MAN2B2: variants seen among roughly 807,000 people sequenced by gnomAD.
MAN2B2 encodes mannosidase alpha class 2B member 2.
Under a neutral mutation model 117.1 loss-of-function variants are expected in MAN2B2, and 106 were observed. The ratio of observed to expected loss-of-function variants is 0.90; its 90% confidence interval spans 0.77 to 1.06. The LOEUF (loss-of-function observed/expected upper bound fraction) is 1.06. Among genes scored for constraint, MAN2B2 ranks in the 50% least tolerant of loss-of-function variants. The pLI, the probability that MAN2B2 is intolerant of heterozygous loss-of-function variation, is 0.00. For synonymous variants in MAN2B2, 544 were observed against 595.1 expected, an observed-to-expected ratio of 0.91 and a Z score of 1.25; for missense variants, 1,326 against 1,381.4, an observed-to-expected ratio of 0.96 and a Z score of 0.64.
intron 3 of MAN2B2, among the ~76,000 whole-genome samples, chr4:6,581,044 G>A (rs976929723): frequency 7.9e-5 from 12 of 152,172 alleles, no homozygotes; most frequent in Non-Finnish European, 1.3e-4. Flanking sequence ...TTTCTTTCAT[G>A]ATAACCACCT....
In MAN2B2 at chr4:6,594,565, T is replaced by A; in HGVS notation, c.890T>A (p.Val297Glu). ...GCDKQFFNAS[V>E]QFANMDPLLD... ...GACAAGCAGTTCTTCAATGCCTCGG[T>A]GCAGTTTGCCAACATGGACCCGCTG... Residue 297 changes from valine (V) to glutamate (E), a missense_variant, in exon 7 of 19, where the codon GTG becomes GAG. Physicochemically the swap from Val to Glu is moderately radical, Grantham distance 121 (BLOSUM62 -2). Transcript: ENST00000285599. The A allele has an allele frequency of 6.2e-7, 1 of 1,613,626 alleles. No homozygotes were observed. Among genetic ancestry groups the A allele is most frequent in the African/African-American group, 1.3e-5 (1 of 75,062 alleles).
At chr4:6,579,009 C>G (rs571226800) in intron 3 of MAN2B2, among the ~76,000 whole-genome samples, 18 of 131,408 alleles carry the variant, frequency 1.4e-4, no homozygotes, top group Non-Finnish European at 2.4e-4. Flanking sequence ...ACCATCACCA[C>G]CACCACCACC....
intron 9 of MAN2B2, among the ~76,000 whole-genome samples, chr4:6,599,419 T>G (rs562648182): frequency 6.6e-6 from 1 of 151,904 alleles, no homozygotes; most frequent in South Asian, 2.1e-4. Flanking sequence ...TCCCAGCACT[T>G]TGGGAGGCCG....
intron 10 of MAN2B2, among the ~76,000 whole-genome samples, chr4:6,604,780 TG>T (rs1302532578): frequency 6.6e-6 from 1 of 151,936 alleles, no homozygotes; most frequent in African/African-American, 2.4e-5. Flanking sequence ...TTAAAGGAGC[TG>T]GGGGTGTTCA....
At chr4:6,579,343 T>TCACCACCAC (rs1560635139) in intron 3 of MAN2B2, among the ~76,000 whole-genome samples, 1 of 28,474 alleles carries the variant, frequency 3.5e-5, no homozygotes, top group African/African-American at 1.4e-4. Context: ...ACCACCACCA[T>TCACCACCAC]CACCATCACC....
intron 11 of MAN2B2, among the ~76,000 whole-genome samples, chr4:6,607,587 A>G (rs1727602699): frequency 6.6e-6 from 1 of 152,232 alleles, no homozygotes; most frequent in South Asian, 2.1e-4. Context: ...GCAGAATACT[A>G]TTCCATCGCA....
chr4:6,599,985 A>C (rs1727261408), intron 9 of MAN2B2, among the ~76,000 whole-genome samples: 1 of 152,228 alleles, frequency 6.6e-6, no homozygotes. Flanking sequence ...CAAGCTGTGA[A>C]TAGGTAGAGA....
At chr4:6,614,960 G>A (rs555401546) in intron 16 of MAN2B2, among the ~76,000 whole-genome samples, 7 of 152,346 alleles carry the variant, frequency 4.6e-5, no homozygotes, top group African/African-American at 7.2e-5. Flanking sequence ...GACACCTGCT[G>A]GGAACTGACT....
intron 3 of MAN2B2, among the ~76,000 whole-genome samples, chr4:6,579,150 CCA>C (rs1726243054): frequency 1.2e-5 from 1 of 83,796 alleles, no homozygotes. Flanking sequence ...ATCACCACCA[CCA>C]TCACCATCAC....
chr4:6,603,996 G>T (rs562539333), intron 10 of MAN2B2, among the ~76,000 whole-genome samples: 1 of 152,360 alleles, frequency 6.6e-6, no homozygotes, highest in East Asian at 1.9e-4. Context: ...CACCTTGGAG[G>T]TGAGCAGAGG....
chr4:6,593,841 TG>T lies in MAN2B2; in HGVS notation c.858+494del, dbSNP rs554443305. 1.9e-3 allele frequency among the ~76,000 whole-genome samples: 295 copies of T among 152,332 alleles called. 1 individual carries two copies. The highest frequency in any genetic ancestry group is 5.2e-3 in the Admixed American group (79 of 15,296). ...GTCTCAGCCATCTAATTTGCACCAC[TG>T]GGCCTAGGAAGCAGGCTGGTATCCA... On this transcript the variant is annotated intron_variant, in intron 6 of 18. Transcript: ENST00000285599.
rs144650979 is a variant in MAN2B2 at position 6,605,319 on chromosome 4, A to G, written c.1804A>G (p.Ile602Val). 14,849 of 1,608,548 alleles carry G rather than the reference A, an allele frequency of 9.2e-3. 85 individuals carry two copies. Among genetic ancestry groups the G allele is most frequent in the Non-Finnish European group, 0.011 (13,225 of 1,175,594 alleles). ...CCAGGATACCAACCTGATGCACAGC[A>G]TCTGGGAGAGGTAAGGTGCAGCCAT... is the stretch of plus-strand genomic sequence containing the variant. ...LDQDTNLMHS[I>V]WERQSNRTVR... Residue 602 changes from isoleucine to valine, a missense_variant, in exon 11 of 19, where the codon ATC (isoleucine) becomes GTC (valine). Ile to Val is a conservative substitution (Grantham distance 29). Transcript: ENST00000285599.
At chr4:6,594,370 T>C (rs1029421423) in intron 6 of MAN2B2, among the ~76,000 whole-genome samples, 164 bp from the exon 7 acceptor site, 21 of 152,128 alleles carry the variant, frequency 1.4e-4, no homozygotes, top group African/African-American at 4.8e-4. Flanking sequence ...AGGCGGAGGT[T>C]GCATGAGCCG....
At chr4:6,596,611 C>T (rs1261521431) in intron 7 of MAN2B2, among the ~76,000 whole-genome samples, 1 of 152,078 alleles carries the variant, frequency 6.6e-6, no homozygotes, top group African/African-American at 2.4e-5. Context: ...TGCCTCCTAC[C>T]ATCCATCCTC....
rs1306880851 is a variant in MAN2B2 at position 6,621,778 on chromosome 4, T to C, written c.*493T>C. The C allele has an allele frequency of 6.5e-6, 1 of 152,718 alleles. No individual in the cohort carries two copies. The highest frequency in any genetic ancestry group is 1.5e-5 in the Non-Finnish European group (1 of 68,452). The allele number at this position is 152,718 out of a possible 1,614,324, so 9.5% of individuals were successfully genotyped here. A position where few individuals can be genotyped will look rare whatever the true frequency, so the allele number is the denominator to read the frequency against. On this transcript the variant is annotated 3_prime_UTR_variant, in exon 19 of 19. Transcript: ENST00000285599. ...CTCTGCCACAGGGCAGGAGAGGAAG[T>C]TGTAGCGCCTAGCGAGAGTTCCAGC...
intron 12 of MAN2B2, 88 bp from the exon 13 acceptor site, chr4:6,609,710 A>AG: frequency 1.7e-6 from 1 of 602,134 alleles, no homozygotes; most frequent in Non-Finnish European, 3.0e-6. Flanking sequence ...TGCCCTGCCC[A>AG]CCCTGCCCAC....
chr4:6,601,638 C>T (rs1727335589), intron 10 of MAN2B2, among the ~76,000 whole-genome samples: 1 of 152,184 alleles, frequency 6.6e-6, no homozygotes, highest in African/African-American at 2.4e-5. Context: ...CCTGAAGCCA[C>T]CTATGGGCCT....
At chr4:6,576,798 G>T in intron 2 of MAN2B2, 74 bp downstream of exon 2, 1 of 1,570,642 alleles carries the variant, frequency 6.4e-7, no homozygotes, top group South Asian at 1.1e-5. Context: ...CAATGGGGCA[G>T]TTCTAGCCAG....
chr4:6,613,212 G>T (rs1711669751), intron 15 of MAN2B2, among the ~76,000 whole-genome samples: 1 of 152,210 alleles, frequency 6.6e-6, no homozygotes, highest in Non-Finnish European at 1.5e-5. Flanking sequence ...CCTGAAAGGA[G>T]TAGGGGCTGA....
Sources: gnomAD v4.1 joint callset for allele counts (sites outside exome capture counted in the v4.1 genomes callset) on GRCh38, gnomAD v4.1.1 for gene constraint, MANE v1.5 for transcripts, NCBI Gene and HGNC (gene_info 2026-07-23, HGNC 2026-07-21) for gene names.